The following TICRR variants were observed in gnomAD, a reference collection of about 807,000 sequenced individuals.
TICRR encodes treslin.
In TICRR, 132 loss-of-function variants were observed where a neutral mutation model predicts 178.1. The observed-to-expected ratio is 0.74, with a 90% CI of 0.64 to 0.86. TICRR has a LOEUF of 0.86. TICRR is among the 40% of genes least tolerant of loss of function. TICRR has a pLI of 0.00. For missense variants in TICRR, 2,587 were observed against 2,334.3 expected (o/e 1.11, Z -2.23); for synonymous variants, 991 against 900.7 (o/e 1.10, Z -1.79).
chr15:89,625,723 G>C lies in TICRR; in HGVS notation c.5413G>C (p.Gly1805Arg), dbSNP rs139498934. Residue 1805 changes from glycine to arginine, a missense_variant, in exon 20 of 22, where the codon GGG becomes CGG. Transcript: ENST00000268138. ...EDSEVSKSKE[G>R]SPSWSAWQLP... is the part of the protein sequence containing the mutation. ...TTCAGAAGTTAGTAAGAGTAAAGAG[G>C]GGTCTCCAAGTTGGAGTGCATGGCA... 5 of 1,613,116 alleles carry C rather than the reference G, an allele frequency of 3.1e-6. No homozygotes were observed. The highest frequency in any genetic ancestry group is 1.1e-5 in the South Asian group (1 of 91,052).
chr15:89,621,659 A>C, intron 19 of TICRR, 109 bp downstream of exon 19: 4 of 861,658 alleles, frequency 4.6e-6, no homozygotes, highest in Non-Finnish European at 7.0e-6. Context: ...CCTCTAGATA[A>C]TACTAGAGAT....
At chr15:89,625,832 C>G (rs751429025) in intron 20 of TICRR, 46 bp downstream of exon 20, 27 of 1,561,832 alleles carry the variant, frequency 1.7e-5, no homozygotes, top group East Asian at 2.2e-5. Context: ...TTCTTTTGGT[C>G]AGAGTGCTTG....
chr15:89,611,267 A>C (rs1963252508), intron 15 of TICRR, among the ~76,000 whole-genome samples: 1 of 152,112 alleles, frequency 6.6e-6, no homozygotes, highest in Non-Finnish European at 1.5e-5. Flanking sequence ...AAGGACATAG[A>C]ATTTTTGGTT....
chr15:89,581,517 G>A (rs567784400), intron 1 of TICRR, among the ~76,000 whole-genome samples: 1 of 152,182 alleles, frequency 6.6e-6, no homozygotes, highest in Non-Finnish European at 1.5e-5. Context: ...ATACAGAAGC[G>A]TAATAACCAT....
intron 15 of TICRR, among the ~76,000 whole-genome samples, chr15:89,611,317 A>G (rs911668501): frequency 6.6e-6 from 1 of 152,176 alleles, no homozygotes; most frequent in Non-Finnish European, 1.5e-5. Context: ...CAAATGTGAC[A>G]TCCACTGCCT....
At chr15:89,611,868 C>T (rs1963261421) in intron 15 of TICRR, among the ~76,000 whole-genome samples, 1 of 151,856 alleles carries the variant, frequency 6.6e-6, no homozygotes, top group African/African-American at 2.4e-5. Flanking sequence ...TATTATTTTC[C>T]TGATTTCCAT....
intron 17 of TICRR, among the ~76,000 whole-genome samples, chr15:89,619,034 T>G (rs1963380504): frequency 1.3e-5 from 2 of 152,308 alleles, no homozygotes; most frequent in African/African-American, 4.8e-5. Context: ...CTCAAGTAAT[T>G]CACATTTATT....
rs1963483566 is a variant in TICRR, at chr15:89,624,670, C to T, written c.4360C>T (p.Pro1454Ser). Residue 1454 changes from proline (P) to serine (S), a missense_variant, in exon 20 of 22, where the codon CCT becomes TCT. By Grantham distance (74) the Pro-to-Ser change is moderately conservative. Transcript: ENST00000268138. The stretch of plus-strand genomic sequence containing the variant: ...CAGGAGTGATTGGCATGCATCCTCT[C>T]CTCTGCTCATTACAAGTGACACAGA... ...GLRSDWHASS[P>S]LLITSDTEHV... 1.2e-6 allele frequency: 2 copies of T among 1,613,972 alleles called. No individual in the cohort carries two copies. The highest frequency in any genetic ancestry group is 4.5e-5 in the East Asian group (2 of 44,884).
intron 4 of TICRR, 21 bp from the exon 5 acceptor site, chr15:89,592,026 G>T (rs138156916): frequency 1.9e-6 from 3 of 1,592,744 alleles, no homozygotes; most frequent in Non-Finnish European, 2.6e-6. Flanking sequence ...CTCTCCTGCC[G>T]CTGCTCCTTT....
intron 1 of TICRR, among the ~76,000 whole-genome samples, chr15:89,579,385 G>A (rs1386946864): frequency 6.6e-6 from 1 of 152,066 alleles, no homozygotes; most frequent in Non-Finnish European, 1.5e-5. Flanking sequence ...TTGCTCTGTC[G>A]CCCAGGCTGG....
chr15:89,606,412 G>C (rs1963176406), intron 13 of TICRR, among the ~76,000 whole-genome samples: 2 of 152,166 alleles, frequency 1.3e-5, no homozygotes, highest in African/African-American at 4.8e-5. Context: ...TTTGAGTGTT[G>C]TGTTGGCACT....
Position 89,602,809 on chromosome 15 carries a change from A to T in TICRR, c.2581A>T (p.Ile861Leu). The T allele has an allele frequency of 6.7e-7, 1 of 1,490,142 alleles. No individual in the cohort carries two copies. The highest frequency in any genetic ancestry group is 8.9e-7 in the Non-Finnish European group (1 of 1,118,222). The allele number at this position is 1,490,142 out of a possible 1,614,324, so 92.3% of individuals were successfully genotyped here. The change falls in exon 13 of 22, where the codon ATA becomes TTA. Residue 861 changes from isoleucine to leucine, a missense_variant. By Grantham distance (5) the Ile-to-Leu change is conservative. Coordinates refer to ENST00000268138, the MANE Select transcript of TICRR (RefSeq NM_152259.4). ...TATTTTTAAAAGGAAAAATGCATTA[A>T]TAAGACATAAAAGCATTGCTGAGGT... ...SAKKRRKNALIRHKSIAEVSQ... is the reference protein window; with the variant it reads ...SAKKRRKNALLRHKSIAEVSQ...
Position 89,624,391 on chromosome 15 carries a change from C to T in TICRR, c.4081C>T (p.Pro1361Ser). Reference sequence around the variant, plus strand: ...TCTCTCCTGCCCTGTTCCCTCAACTCCCCCTGAACTCTCACAGAGAGCTAC... The same window carrying T: ...TCTCTCCTGCCCTGTTCCCTCAACTTCCCCTGAACTCTCACAGAGAGCTAC... ...ASLSCPVPST[P>S]PELSQRATLD... is the part of the protein sequence containing the mutation. The change falls in exon 20 of 22, where the codon CCC becomes TCC. Residue 1361 changes from proline to serine, a missense_variant. Physicochemically the swap from Pro to Ser is moderately conservative, Grantham distance 74. Transcript: ENST00000268138. 6.2e-7 allele frequency: 1 copy of T among 1,614,170 alleles called. No individual in the cohort carries two copies. The highest frequency in any genetic ancestry group is 8.5e-7 in the Non-Finnish European group (1 of 1,180,016).
intron 15 of TICRR, among the ~76,000 whole-genome samples, chr15:89,609,211 A>G (rs1963220953): frequency 6.9e-6 from 1 of 144,414 alleles, no homozygotes; most frequent in Non-Finnish European, 1.5e-5. Context: ...CCCAGGCTCA[A>G]GTGATTCTCC....
Position 89,625,264 on chromosome 15 carries a change from G to C in TICRR, c.4954G>C (p.Gly1652Arg), listed in dbSNP as rs781712821. 3.1e-6 allele frequency: 5 copies of C among 1,613,262 alleles called. No homozygotes were observed. The highest frequency in any genetic ancestry group is 1.3e-5 in the African/African-American group (1 of 74,922). Residue 1652 changes from glycine (G) to arginine (R), a missense_variant, in exon 20 of 22, where the codon GGC becomes CGC. Transcript: ENST00000268138. The part of the protein sequence containing the change: ...YICQACTPTH[G>R]PSSTPSPFQT... ...CTGCCAGGCCTGTACCCCCACCCACGGCCCTTCTAGTACCCCCTCTCCATT... is the reference window on the plus strand; with the variant it reads ...CTGCCAGGCCTGTACCCCCACCCACCGCCCTTCTAGTACCCCCTCTCCATT...
Position 89,627,082 on chromosome 15 carries a change from T to G in TICRR, c.5729T>G (p.Leu1910Ter). Residue 1910 changes from leucine (L) to a stop codon, truncating the protein, a stop_gained, in exon 22 of 22, where the codon TTA becomes TGA. Coordinates refer to ENST00000268138, the MANE Select transcript of TICRR (RefSeq NM_152259.4). LOFTEE classifies it high-confidence loss of function. ...KKLMGTWLED[L>*] ...CTCATGGGAACCTGGCTGGAGGACT[T>G]ATAGCCACAAACATTACTGAGCCCA... 1 of 1,614,022 alleles carries G rather than the reference T, an allele frequency of 6.2e-7. No individual in the cohort carries two copies. The highest frequency in any genetic ancestry group is 8.5e-7 in the Non-Finnish European group (1 of 1,180,044).
chr15:89,625,958 T>C lies in TICRR; in HGVS notation c.5499T>C (p.Cys1833=). Residue 1833 remains cysteine, a synonymous_variant, in exon 21 of 22, where the codon TGT becomes TGC. Coordinates refer to ENST00000268138, the MANE Select transcript of TICRR (RefSeq NM_152259.4). ...TAGGCTCCACCCCACCTCCCAGCTG[T>C]GCCGTGCGGAGCTGCCTCTCTGCCA... ...FVSGSTPPPS[C]AVRSCLSASA... is the part of the protein sequence containing the mutation. 6.3e-7 allele frequency: 1 copy of C among 1,588,782 alleles called. No individual in the cohort carries two copies. Among genetic ancestry groups the C allele is most frequent in the Non-Finnish European group, 8.5e-7 (1 of 1,170,002 alleles).
chr15:89,611,249 T>C (rs1207112826), intron 15 of TICRR, among the ~76,000 whole-genome samples: 1 of 152,212 alleles, frequency 6.6e-6, no homozygotes, highest in Non-Finnish European at 1.5e-5. Context: ...CTTTCTACTT[T>C]ATTTGTGAAG....
intron 5 of TICRR, among the ~76,000 whole-genome samples, chr15:89,592,974 C>T (rs1035487749): frequency 1.1e-4 from 17 of 152,268 alleles, no homozygotes; most frequent in Admixed American, 1.0e-3. Context: ...GTTAATACCA[C>T]ATTATCTTCA....
Sources: gnomAD v4.1 joint callset for allele counts (sites outside exome capture counted in the v4.1 genomes callset) on GRCh38, gnomAD v4.1.1 for gene constraint, MANE v1.5 for transcripts, NCBI Gene and HGNC (gene_info 2026-07-23, HGNC 2026-07-21) for gene names.